UBE2G2: variants seen among roughly 807,000 people sequenced by gnomAD.
UBE2G2 encodes ubiquitin conjugating enzyme E2 G2.
UBE2G2 carries 10 observed loss-of-function variants against 23.0 expected under a neutral mutation model. The ratio of observed to expected loss-of-function variants is 0.43; its 90% CI spans 0.27 to 0.74. UBE2G2 has a LOEUF of 0.74. UBE2G2 is among the 30% of genes least tolerant of loss of function. The probability of loss-of-function intolerance (pLI) is 0.19; values close to 1 mark genes in which losing one functional copy is unlikely to be tolerated. For missense variants in UBE2G2, 150 were observed against 218.3 expected (o/e 0.69, Z 1.97); for synonymous variants, 86 against 81.3 (o/e 1.06, Z -0.31).
rs782705423 is a variant in UBE2G2 at position 44,771,400 on chromosome 21, C to T, written c.475G>A (p.Val159Ile). The change falls in exon 6 of 6, where the codon GTC becomes ATC. Residue 159 changes from valine to isoleucine, a missense_variant. Coordinates refer to ENST00000345496, the MANE Select transcript of UBE2G2 (RefSeq NM_003343.6). The surrounding 1 kb of genome is among the most constrained non-coding windows in gnomAD (Gnocchi z 4.6). ...TCTCACAGTCCCAGAGACTTCTGGA[C>T]GATCTGCTTGGCAATCTTATAGAAC... ...EQFYKIAKQI[V>I]QKSLGL is the part of the protein sequence containing the mutation. The T allele has an allele frequency of 3.0e-5, 48 of 1,612,918 alleles. No individual in the cohort carries two copies. The highest frequency in any genetic ancestry group is 6.7e-5 in the East Asian group (3 of 44,890).
chr21:44,774,149 A>C (rs1364473869), intron 4 of UBE2G2: 2 of 153,696 alleles, frequency 1.3e-5, no homozygotes, highest in African/African-American at 4.8e-5. Context: ...AGGCAACTGG[A>C]ATTATGTAAA....
intron 1 of UBE2G2, among the ~76,000 whole-genome samples, chr21:44,791,128 T>C (rs1242832456): frequency 6.6e-6 from 1 of 152,166 alleles, no homozygotes; most frequent in African/African-American, 2.4e-5. Context: ...TTGAGAGAGA[T>C]GATCTGAAAT....
intron 3 of UBE2G2, among the ~76,000 whole-genome samples, chr21:44,780,294 G>C (rs1234678984): frequency 6.6e-6 from 1 of 152,194 alleles, no homozygotes; most frequent in Non-Finnish European, 1.5e-5. Flanking sequence ...CAGCATGCCT[G>C]ACCCCATGGA....
At chr21:44,798,171 A>G (rs1270858873) in intron 1 of UBE2G2, among the ~76,000 whole-genome samples, 1 of 152,214 alleles carries the variant, frequency 6.6e-6, no homozygotes, top group Non-Finnish European at 1.5e-5. Context: ...ATAAATAAAT[A>G]AATAATTATT....
At chr21:44,787,105 G>A (rs1401956593) in intron 3 of UBE2G2, among the ~76,000 whole-genome samples, 1 of 143,592 alleles carries the variant, frequency 7.0e-6, no homozygotes. Flanking sequence ...AAAAAAAAAA[G>A]AAAGAAAGAA....
At position 44,777,186 on chromosome 21, in the gene UBE2G2, T is replaced by A; in HGVS notation, c.244+113A>T. The A allele has an allele frequency of 3.3e-6, 3 of 911,892 alleles. No homozygotes were observed. In the South Asian group the frequency reaches 4.8e-5, roughly 15 times the overall value. The allele number at this position is 911,892 out of a possible 1,614,324, so 56.5% of individuals were successfully genotyped here. ...GCTGAATTTCAAAACATAAGAAGTG[T>A]TTTCTAAAGATCTACATCATAGACA... On this transcript the variant is annotated intron_variant, in intron 4 of 5. Coordinates refer to ENST00000345496, the MANE Select transcript of UBE2G2 (RefSeq NM_003343.6).
Position 44,770,038 on chromosome 21 carries a change from T to C in UBE2G2, c.*1339A>G, listed in dbSNP as rs2082861032. The stretch of plus-strand genomic sequence containing the variant: ...ATGGGAACCACATCAAAATCCTAAG[T>C]CACAAAACAAGGGCTCTGTCCCCAG... On this transcript the variant is annotated 3_prime_UTR_variant, in exon 6 of 6. Coordinates refer to ENST00000345496, the MANE Select transcript of UBE2G2 (RefSeq NM_003343.6). The C allele has an allele frequency of 1.3e-5, 2 of 152,180 alleles. No homozygotes were observed. The highest frequency in any genetic ancestry group is 2.9e-5 in the Non-Finnish European group (2 of 68,062). The allele number at this position is 152,180 out of a possible 1,614,324, so 9.4% of individuals were successfully genotyped here.
At chr21:44,795,946 A>G (rs538007903) in intron 1 of UBE2G2, among the ~76,000 whole-genome samples, 108 of 152,356 alleles carry the variant, frequency 7.1e-4, no homozygotes, top group Non-Finnish European at 1.3e-3. Context: ...GAATGACAAT[A>G]AACGCCAAGG....
chr21:44,792,521 C>T lies in UBE2G2; in HGVS notation c.44-4426G>A, dbSNP rs60155341. Among the ~76,000 whole-genome samples the T allele has an allele frequency of 9.7e-3, 1,470 of 152,278 alleles. 27 individuals carry two copies. The highest frequency in any genetic ancestry group is 0.033 in the African/African-American group (1,357 of 41,554). On this transcript the variant is annotated intron_variant, in intron 1 of 5. Coordinates refer to ENST00000345496, the MANE Select transcript of UBE2G2 (RefSeq NM_003343.6). ...TGGCTTGCTCTTCTCTCTCCTACCG[C>T]CTTGAGAAGAGGTCTGTTTCCCTTT...
At chr21:44,787,355 T>C (rs1555962228) in intron 3 of UBE2G2, among the ~76,000 whole-genome samples, 1 of 152,106 alleles carries the variant, frequency 6.6e-6, no homozygotes, top group African/African-American at 2.4e-5. Flanking sequence ...CACTGCTCAC[T>C]TACTAAGCCA....
intron 3 of UBE2G2, among the ~76,000 whole-genome samples, chr21:44,783,406 C>T (rs2082971222): frequency 2.0e-5 from 3 of 152,240 alleles, no homozygotes; most frequent in South Asian, 4.1e-4. Flanking sequence ...CAATTCCACA[C>T]CTCTATATCT....
chr21:44,792,009 G>A (rs955966115), intron 1 of UBE2G2, among the ~76,000 whole-genome samples: 10 of 152,214 alleles, frequency 6.6e-5, no homozygotes, highest in South Asian at 4.1e-4. Flanking sequence ...CTGCCCAGCC[G>A]GATTTCGGAC....
intron 3 of UBE2G2, among the ~76,000 whole-genome samples, chr21:44,785,270 T>C (rs2082986923): frequency 6.6e-6 from 1 of 152,206 alleles, no homozygotes; most frequent in African/African-American, 2.4e-5. Context: ...GATTGCAGGC[T>C]CAGACTCCAC....
Position 44,772,369 on chromosome 21 carries a change from C to T in UBE2G2, c.386-880G>A, listed in dbSNP as rs1441542663. 3.3e-5 allele frequency among the ~76,000 whole-genome samples: 5 copies of T among 152,124 alleles called. No individual in the cohort carries two copies. The highest frequency in any genetic ancestry group is 1.2e-4 in the African/African-American group (5 of 41,392). ...GGCCCTGACCTCACATCCCTCTAGACCCCACTCCACGGCACCCAAAGGCTC... is the reference window on the plus strand; with the variant it reads ...GGCCCTGACCTCACATCCCTCTAGATCCCACTCCACGGCACCCAAAGGCTC... On this transcript the variant is annotated intron_variant, in intron 5 of 5. Coordinates refer to ENST00000345496, the MANE Select transcript of UBE2G2 (RefSeq NM_003343.6). The surrounding 1 kb of genome is among the most constrained non-coding windows in gnomAD (Gnocchi z 5.4).
chr21:44,791,784 A>G (rs888718687), intron 1 of UBE2G2, among the ~76,000 whole-genome samples: 2 of 152,170 alleles, frequency 1.3e-5, no homozygotes, highest in Non-Finnish European at 2.9e-5. Flanking sequence ...CGGTAGATCC[A>G]CCAAGAGCTT....
At chr21:44,777,256 T>C (rs2082920193) in intron 4 of UBE2G2, 43 bp downstream of exon 4, 1 of 1,520,276 alleles carries the variant, frequency 6.6e-7, no homozygotes, top group East Asian at 2.3e-5. Flanking sequence ...ATTATCTCCG[T>C]ACCTATCCTG....
chr21:44,788,828 G>A (rs1391366820), intron 1 of UBE2G2, among the ~76,000 whole-genome samples: 1 of 151,146 alleles, frequency 6.6e-6, no homozygotes, highest in Non-Finnish European at 1.5e-5. Flanking sequence ...AAAAATCAAT[G>A]AAACCAAAAG....
intron 1 of UBE2G2, among the ~76,000 whole-genome samples, chr21:44,789,827 G>A (rs1248244761): frequency 6.6e-6 from 1 of 152,134 alleles, no homozygotes; most frequent in Non-Finnish European, 1.5e-5. Flanking sequence ...TTTGGGAGGA[G>A]ATTAGGTCAG....
chr21:44,799,986 G>A (rs534654591), intron 1 of UBE2G2: 1 of 152,372 alleles, frequency 6.6e-6, no homozygotes, highest in African/African-American at 2.4e-5. Flanking sequence ...GAAACAGCCA[G>A]TCAGTGAAGC....
Sources: allele counts gnomAD v4.1 joint callset (sites outside exome capture counted in the v4.1 genomes callset), GRCh38; gene constraint gnomAD v4.1.1; non-coding constraint Gnocchi (gnomAD v3.1); transcripts MANE v1.5; gene names NCBI Gene and HGNC (gene_info 2026-07-23, HGNC 2026-07-21).